PUDP: variants seen among roughly 807,000 people sequenced by gnomAD.
PUDP encodes the protein pseudouridine-5'-phosphatase.
Under a neutral mutation model 9.4 loss-of-function variants are expected in PUDP, and 8 were observed. That is an observed-to-expected ratio of 0.85 (90% confidence interval 0.50 to 1.53). The LOEUF (loss-of-function observed/expected upper bound fraction) is 1.53. Ranked by LOEUF, PUDP falls within the 40% of genes most tolerant of loss-of-function variation. The pLI, the probability that PUDP is intolerant of heterozygous loss-of-function variation, is 0.00. For synonymous variants in PUDP, 99 were observed against 80.7 expected (o/e 1.23, Z -1.22); for missense variants, 188 against 189.7 (o/e 0.99, Z 0.05).
intron 3 of PUDP, among the ~76,000 whole-genome samples, chrX:6,776,367 A>T (rs1369257166): frequency 3.7e-5 from 4 of 109,540 alleles, no homozygotes; most frequent in African/African-American, 1.3e-4. Context: ...CCCGATCTCC[A>T]CTAAAAATAC....
At chrX:7,102,206 G>T (rs1417387945) in intron 2 of PUDP, among the ~76,000 whole-genome samples, 3 of 108,237 alleles carry the variant, frequency 2.8e-5, no homozygotes, top group Admixed American at 1.0e-4. Context: ...TAAGATATTA[G>T]CAAACAATTC....
chrX:7,044,274 A>C (rs1929957549), downstream of PUDP, among the ~76,000 whole-genome samples: 1 of 111,777 alleles, frequency 8.9e-6, no homozygotes, highest in Admixed American at 9.5e-5. Flanking sequence ...TAAGGAAAAT[A>C]CTCTTGATGA....
chrX:7,147,972 GCCGTGACGTACC>G (rs1473405905), intron 1 of PUDP, 69 bp downstream of exon 1: 2 of 763,696 alleles, frequency 2.6e-6, no homozygotes. Flanking sequence ...CGGCCCCCAG[GCCGTGACGTACC>G]CCGCGCCGAC....
At chrX:7,077,550 G>T in intron 2 of PUDP, 101 bp from the exon 3 acceptor site, 1 of 614,819 alleles carries the variant, frequency 1.6e-6, no homozygotes, top group Admixed American at 3.2e-5. Context: ...CACACTCTCA[G>T]GCTGCTCCTT....
intron 3 of PUDP, among the ~76,000 whole-genome samples, chrX:6,752,854 T>C (rs922221045): frequency 8.9e-6 from 1 of 111,952 alleles, no homozygotes; most frequent in Non-Finnish European, 1.9e-5. Context: ...CCACGCATTT[T>C]ATTTTCTCAG....
intron 1 of PUDP, among the ~76,000 whole-genome samples, chrX:6,997,416 T>C (rs1207636087): frequency 8.9e-6 from 1 of 112,187 alleles, no homozygotes; most frequent in Non-Finnish European, 1.9e-5. Flanking sequence ...GAGGTGATTG[T>C]GAAGTTAAAA....
intron 3 of PUDP, among the ~76,000 whole-genome samples, chrX:7,066,232 G>A (rs1930549461): frequency 9.0e-6 from 1 of 111,670 alleles, no homozygotes. Context: ...CCCGAGTAGG[G>A]TAGTGGCATT....
At chrX:6,841,954 G>A (rs1354565141) in intron 3 of PUDP, among the ~76,000 whole-genome samples, 2 of 111,206 alleles carry the variant, frequency 1.8e-5, no homozygotes, top group African/African-American at 6.6e-5. Context: ...TGTGTTGTGT[G>A]TGCTATGTGG....
intron 3 of PUDP, among the ~76,000 whole-genome samples, chrX:6,941,444 T>C (rs1928398964): frequency 9.8e-6 from 1 of 101,644 alleles, no homozygotes; most frequent in African/African-American, 3.6e-5. Context: ...GGGCTCAAGC[T>C]ATCCTCCTGC....
intron 3 of PUDP, among the ~76,000 whole-genome samples, chrX:6,879,120 A>G (rs1927308249): frequency 1.8e-5 from 2 of 111,756 alleles, no homozygotes; most frequent in Non-Finnish European, 3.8e-5. Context: ...TGTAACATAT[A>G]CCCTCAATCA....
chrX:6,845,532 C>T (rs1926733278), intron 3 of PUDP, among the ~76,000 whole-genome samples: 1 of 111,960 alleles, frequency 8.9e-6, no homozygotes, highest in Non-Finnish European at 1.9e-5. Flanking sequence ...CTTATAAGGG[C>T]TGGAATAACA....
At chrX:6,740,410 C>T (rs1924921468) in intron 3 of PUDP, among the ~76,000 whole-genome samples, 1 of 111,480 alleles carries the variant, frequency 9.0e-6, no homozygotes, top group Admixed American at 9.6e-5. Flanking sequence ...ATATTTTTAA[C>T]AATTAAGGAT....
chrX:6,910,555 G>T (rs1927834123), intron 3 of PUDP, among the ~76,000 whole-genome samples: 1 of 111,991 alleles, frequency 8.9e-6, no homozygotes, highest in Non-Finnish European at 1.9e-5. Flanking sequence ...GTCAGAGAAA[G>T]AAAGTGTCTC....
chrX:7,145,415 CT>C (rs1932838640), intron 1 of PUDP, among the ~76,000 whole-genome samples: 1 of 111,314 alleles, frequency 9.0e-6, no homozygotes, highest in African/African-American at 3.3e-5. Flanking sequence ...ATAATCTTCC[CT>C]GTCCAGCTGC....
At chrX:6,786,889 T>C (rs777492798) in intron 3 of PUDP, among the ~76,000 whole-genome samples, 54 of 111,993 alleles carry the variant, frequency 4.8e-4, no homozygotes, top group African/African-American at 1.8e-3. Flanking sequence ...ATTTGTTTGT[T>C]TGTTTTTTCA....
chrX:6,832,222 A>G (rs921170820), intron 3 of PUDP, among the ~76,000 whole-genome samples: 1 of 112,146 alleles, frequency 8.9e-6, no homozygotes, highest in Admixed American at 9.5e-5. Context: ...TGCAACCAAC[A>G]TAACACCAAA....
chrX:6,739,629 G>C (rs894297544), intron 3 of PUDP, among the ~76,000 whole-genome samples: 3 of 111,966 alleles, frequency 2.7e-5, no homozygotes, highest in South Asian at 3.8e-4. Context: ...GATGTCAATA[G>C]TGTCAAGGCT....
intron 3 of PUDP, among the ~76,000 whole-genome samples, chrX:6,763,358 C>T (rs1393825884): frequency 8.9e-6 from 1 of 111,998 alleles, no homozygotes; most frequent in Non-Finnish European, 1.9e-5. Context: ...CACTGCACTA[C>T]AGCCTGGGTG....
chrX:6,730,424 A>G (rs1328610133), intron 3 of PUDP, among the ~76,000 whole-genome samples: 1 of 112,340 alleles, frequency 8.9e-6, no homozygotes, highest in East Asian at 2.8e-4. Flanking sequence ...TAGCCATTAC[A>G]CAATCACAAA....
Sources: gnomAD v4.1 joint callset for allele counts (sites outside exome capture counted in the v4.1 genomes callset) on GRCh38, gnomAD v4.1.1 for gene constraint, MANE v1.5 for transcripts, NCBI Gene and HGNC (gene_info 2026-07-23, HGNC 2026-07-21) for gene names.